Variants in PYGB observed in about 807,000 individuals in gnomAD.
PYGB encodes glycogen phosphorylase, brain form.
In PYGB, 82 loss-of-function variants were observed where a neutral mutation model predicts 94.3. That is an observed-to-expected ratio of 0.87 (90% CI 0.73 to 1.04). The LOEUF (loss-of-function observed/expected upper bound fraction) is 1.04, where lower values mean the gene tolerates loss of function less well. PYGB is among the 50% of genes least tolerant of loss of function. The probability of loss-of-function intolerance (pLI) is 0.00; values close to 1 mark genes in which losing one functional copy is unlikely to be tolerated. For missense variants in PYGB, 1,132 were observed against 1,158.2 expected (o/e 0.98, Z 0.33); for synonymous variants, 488 against 479.1 (o/e 1.02, Z -0.24).
rs146270099 is a variant in PYGB, at chr20:25,266,501, A to G, written c.346-2628A>G. ...ACCTTGGATTAGAATGATTTCTTAG[A>G]TATGACACCAAAAACCCAAGCAACG... On this transcript the variant is annotated intron_variant, in intron 2 of 19. Transcript: ENST00000216962. 5.3e-3 allele frequency among the ~76,000 whole-genome samples: 810 copies of G among 152,280 alleles called. 2 individuals are homozygous for G. Among genetic ancestry groups the G allele is most frequent in the Middle Eastern group, 0.017 (5 of 294 alleles).
At chr20:25,259,383 C>T (rs201159644) in intron 2 of PYGB, 45 bp downstream of exon 2, 45 of 1,448,472 alleles carry the variant, frequency 3.1e-5, no homozygotes, top group Non-Finnish European at 3.8e-5. Flanking sequence ...CCTCGTGGTG[C>T]TTTGAGGTCT....
At chr20:25,282,784 C>T (rs2088380350) in intron 12 of PYGB, among the ~76,000 whole-genome samples, 1 of 152,148 alleles carries the variant, frequency 6.6e-6, no homozygotes, top group East Asian at 1.9e-4. Context: ...GCAGGCAGCA[C>T]CTGGGTGAGG....
chr20:25,254,400 A>G (rs2123510657), intron 1 of PYGB, among the ~76,000 whole-genome samples: 1 of 152,320 alleles, frequency 6.6e-6, no homozygotes, highest in Non-Finnish European at 1.5e-5. Context: ...TGGAAATTCA[A>G]AGCATCCTAA....
chr20:25,277,365 C>T (rs557628500), intron 7 of PYGB, 39 bp downstream of exon 7: 8 of 1,517,834 alleles, frequency 5.3e-6, no homozygotes, highest in Admixed American at 1.7e-5. Context: ...CAGGCCGTAT[C>T]GCTTTCTGGC....
At chr20:25,288,677 G>A in intron 15 of PYGB, 194 bp downstream of exon 15, 1 of 649,282 alleles carries the variant, frequency 1.5e-6, no homozygotes, top group South Asian at 2.0e-5. Context: ...CCTCCTGCCT[G>A]CCCAGCTCAC....
rs1272292177 is a variant in PYGB at position 25,296,973 on chromosome 20, G to T, written c.*451G>T. The stretch of plus-strand genomic sequence containing the variant: ...TCTGGGCTGCCAGCCACAGGGAAGG[G>T]CCAAGCCCCATGTAGCCCCAGTCAT... On this transcript the variant is annotated 3_prime_UTR_variant, in exon 20 of 20. Transcript: ENST00000216962. 1 of 169,364 alleles carries T rather than the reference G, an allele frequency of 5.9e-6. No homozygotes were observed. Among genetic ancestry groups the T allele is most frequent in the Non-Finnish European group, 1.3e-5 (1 of 78,272 alleles). 10.5% of individuals were successfully genotyped at this position (169,364 alleles called of 1,614,324 possible). A position where few individuals can be genotyped will look rare whatever the true frequency, so the allele number is the denominator to read the frequency against.
rs985813650 is a variant in PYGB, at chr20:25,296,661, T to C, written c.*139T>C. The C allele has an allele frequency of 4.9e-5, 58 of 1,191,452 alleles. No homozygotes were observed. In the African/African-American group the frequency reaches 7.0e-4, roughly 14 times the overall value. 73.8% of individuals were successfully genotyped at this position (1,191,452 alleles called of 1,614,324 possible). On this transcript the variant is annotated 3_prime_UTR_variant, in exon 20 of 20. Coordinates refer to ENST00000216962, the MANE Select transcript of PYGB (RefSeq NM_002862.4). ...ATGTTTCCAGGAGGGGCCATGGGGG[T>C]CAGGGTGGTTTTGAGAGAGCAGGGT... is the stretch of plus-strand genomic sequence containing the variant.
At chr20:25,264,827 A>G (rs1313045721) in intron 2 of PYGB, among the ~76,000 whole-genome samples, 5 of 152,248 alleles carry the variant, frequency 3.3e-5, no homozygotes, top group Non-Finnish European at 5.9e-5. Flanking sequence ...GGAAGAATCA[A>G]TATCTTGAAA....
At chr20:25,273,644 C>T (rs1016609166) in intron 4 of PYGB, among the ~76,000 whole-genome samples, 14 of 152,124 alleles carry the variant, frequency 9.2e-5, no homozygotes, top group African/African-American at 3.4e-4. Context: ...TCTGCAGGGC[C>T]GCTTTTAGTG....
In PYGB at chr20:25,271,359, C is replaced by A. The variant is rs747996695; in HGVS notation, c.425-24C>A. 16 of 1,609,514 alleles carry A rather than the reference C, an allele frequency of 9.9e-6. No individual in the cohort carries two copies. In the African/African-American group the frequency reaches 1.3e-4, roughly 13 times the overall value. Reference sequence around the variant, plus strand: ...CTTGGTGCCGTGCCTTTGATTCTGACTGATTTGTGATTGATTTTTTCAGCG... The same window carrying A: ...CTTGGTGCCGTGCCTTTGATTCTGAATGATTTGTGATTGATTTTTTCAGCG... On this transcript the variant is annotated intron_variant, in intron 3 of 19. Transcript: ENST00000216962.
chr20:25,290,567 TG>T lies in PYGB; in HGVS notation c.1915del (p.Asp639ThrfsTer3), dbSNP rs1568698576. 6.2e-7 allele frequency: 1 copy of T among 1,610,922 alleles called. No individual in the cohort carries two copies. The highest frequency in any genetic ancestry group is 1.7e-5 in the Admixed American group (1 of 59,970). ...DVVNHDPVVGDRLKVIFLENY... is the reference protein window; with the variant it reads ...DVVNHDPVVGXRLKVIFLENY... ...TCGTCAATCATGACCCAGTTGTGGG[TG>T]ACAGGTTGAAAGTGATCTTCCTGGA... is the stretch of plus-strand genomic sequence containing the variant. On this transcript the variant is annotated frameshift_variant, in exon 16 of 20. Coordinates refer to ENST00000216962, the MANE Select transcript of PYGB (RefSeq NM_002862.4). LOFTEE classifies it high-confidence loss of function.
intron 2 of PYGB, among the ~76,000 whole-genome samples, chr20:25,267,909 T>A (rs1258561519): frequency 6.6e-6 from 1 of 152,208 alleles, no homozygotes; most frequent in Non-Finnish European, 1.5e-5. Context: ...CTGTAGGCAC[T>A]CAATTTAAAA....
chr20:25,296,248 C>G (rs2088542083), intron 19 of PYGB, 122 bp from the exon 20 acceptor site: 1 of 1,230,064 alleles, frequency 8.1e-7, no homozygotes, highest in East Asian at 2.4e-5. Context: ...TCCTCCTCTT[C>G]CAGCGGATGG....
chr20:25,291,334 G>A (rs2088465638), intron 16 of PYGB, among the ~76,000 whole-genome samples: 3 of 152,168 alleles, frequency 2.0e-5, no homozygotes, highest in African/African-American at 7.2e-5. Flanking sequence ...CCAGATGGTG[G>A]GAGATCTGAG....
At chr20:25,270,889 G>A (rs575193558) in intron 3 of PYGB, among the ~76,000 whole-genome samples, 2 of 152,302 alleles carry the variant, frequency 1.3e-5, no homozygotes, top group South Asian at 4.1e-4. Flanking sequence ...GTGCTATAGC[G>A]CCTTGGGGCC....
rs1178380080 is a variant in PYGB, at chr20:25,248,323, C to T, written c.145C>T (p.Pro49Ser). Reference protein sequence around the residue: ...TLVKDRNVATPRDYFFALAHT... With the variant: ...TLVKDRNVATSRDYFFALAHT... ...GGTCAAGGACCGCAATGTGGCCACG[C>T]CCCGCGACTACTTCTTCGCGCTGGC... is the stretch of plus-strand genomic sequence containing the variant. The change falls in exon 1 of 20, where the codon CCC becomes TCC. Residue 49 changes from proline (P) to serine (S), a missense_variant. Coordinates refer to ENST00000216962, the MANE Select transcript of PYGB (RefSeq NM_002862.4). 4.4e-6 allele frequency: 7 copies of T among 1,604,156 alleles called. No individual in the cohort carries two copies. Among genetic ancestry groups the T allele is most frequent in the Non-Finnish European group, 6.0e-6 (7 of 1,176,014 alleles).
chr20:25,288,124 C>A, intron 14 of PYGB: 1 of 521,340 alleles, frequency 1.9e-6, no homozygotes, highest in Non-Finnish European at 3.5e-6. Flanking sequence ...CGGGGAATAG[C>A]ATCTTTGCTC....
At chr20:25,295,539 C>A in intron 18 of PYGB, 65 bp from the exon 19 acceptor site, 1 of 1,538,332 alleles carries the variant, frequency 6.5e-7, no homozygotes, top group Non-Finnish European at 9.0e-7. Flanking sequence ...CTGGGACTCT[C>A]CCCTCGGGAC....
At position 25,248,295 on chromosome 20, in the gene PYGB, G is replaced by A; in HGVS notation, c.117G>A (p.Thr39=). ...GCTTCAACCGGCACTTGCACTTCAC[G>A]CTGGTCAAGGACCGCAATGTGGCCA... ...RKSFNRHLHF[T]LVKDRNVATP... The change falls in exon 1 of 20, where the codon ACG becomes ACA. Residue 39 remains threonine, a synonymous_variant. Transcript: ENST00000216962. 1.2e-6 allele frequency: 2 copies of A among 1,605,042 alleles called. No individual in the cohort carries two copies. The highest frequency in any genetic ancestry group is 1.3e-5 in the African/African-American group (1 of 74,158).
Sources: allele counts gnomAD v4.1 joint callset (sites outside exome capture counted in the v4.1 genomes callset), GRCh38; gene constraint gnomAD v4.1.1; transcripts MANE v1.5; gene names NCBI Gene and HGNC (gene_info 2026-07-23, HGNC 2026-07-21).